GRIK1: variants seen among roughly 807,000 people sequenced by gnomAD.
The protein encoded by GRIK1 is glutamate ionotropic receptor kainate type subunit 1, also known as glutamate receptor ionotropic, kainate 1.
GRIK1 carries 69 observed loss-of-function variants against 105.7 expected under a neutral mutation model. That is an observed-to-expected ratio of 0.65 (90% CI 0.54 to 0.80). GRIK1 has a LOEUF of 0.80. Among genes scored for constraint, GRIK1 ranks in the 30% least tolerant of loss-of-function variants. The pLI is 0.00. For missense variants in GRIK1, 1,109 were observed against 1,167.3 expected, an observed-to-expected ratio of 0.95 and a Z score of 0.73; for synonymous variants, 438 against 431.3, an observed-to-expected ratio of 1.02 and a Z score of -0.19.
At chr21:29,718,605 T>C (rs2064237973) in intron 1 of GRIK1, among the ~76,000 whole-genome samples, 1 of 152,244 alleles carries the variant, frequency 6.6e-6, no homozygotes, top group African/African-American at 2.4e-5. Context: ...GTCATAGGCC[T>C]TGCATATTGC....
At chr21:29,800,507 G>T (rs2066676332) in intron 1 of GRIK1, among the ~76,000 whole-genome samples, 1 of 152,174 alleles carries the variant, frequency 6.6e-6, no homozygotes, top group Non-Finnish European at 1.5e-5. Flanking sequence ...CCCAGGTCTT[G>T]CAACTTTAAA....
At chr21:29,668,843 C>T (rs893434071) in intron 4 of GRIK1, among the ~76,000 whole-genome samples, 7 of 152,026 alleles carry the variant, frequency 4.6e-5, no homozygotes, top group South Asian at 2.1e-4. Flanking sequence ...GAAGAGTCGG[C>T]GAAAGAGTAG....
chr21:29,744,755 T>C (rs2065009565), intron 1 of GRIK1, among the ~76,000 whole-genome samples: 1 of 152,178 alleles, frequency 6.6e-6, no homozygotes, highest in African/African-American at 2.4e-5. Flanking sequence ...GCATAGGACA[T>C]TTTGTGGTGT....
intron 1 of GRIK1, among the ~76,000 whole-genome samples, chr21:29,746,330 G>A (rs1322726449): frequency 6.6e-6 from 1 of 152,166 alleles, no homozygotes; most frequent in African/African-American, 2.4e-5. Flanking sequence ...TTCTGCCTAT[G>A]TGCCAAGCCC....
At chr21:29,745,899 C>A (rs952875279) in intron 1 of GRIK1, among the ~76,000 whole-genome samples, 1 of 152,024 alleles carries the variant, frequency 6.6e-6, no homozygotes, top group Non-Finnish European at 1.5e-5. Flanking sequence ...GTCAGGAGAT[C>A]GAGACCATCC....
intron 14 of GRIK1, among the ~76,000 whole-genome samples, chr21:29,568,339 G>C (rs2090659234): frequency 6.6e-6 from 1 of 152,178 alleles, no homozygotes; most frequent in Non-Finnish European, 1.5e-5. Context: ...GGTTATAACT[G>C]TCTGAAATCT....
At chr21:29,858,893 G>A (rs1207395746) in intron 1 of GRIK1, among the ~76,000 whole-genome samples, 2 of 151,294 alleles carry the variant, frequency 1.3e-5, no homozygotes, top group Admixed American at 6.6e-5. Context: ...AAGGATCCTA[G>A]CCACAGCTTT....
chr21:29,580,763 A>C (rs868537682), intron 13 of GRIK1, among the ~76,000 whole-genome samples: 23 of 152,184 alleles, frequency 1.5e-4, no homozygotes, highest in African/African-American at 5.3e-4. Flanking sequence ...GCTGAAAAAA[A>C]AAATCACAAA....
At chr21:29,616,633 C>G (rs1262003284) in intron 7 of GRIK1, among the ~76,000 whole-genome samples, 1 of 152,210 alleles carries the variant, frequency 6.6e-6, no homozygotes, top group East Asian at 1.9e-4. Flanking sequence ...CACTCAGCCT[C>G]TCAAGAACTT....
At chr21:29,879,427 T>C (rs2069313777) in intron 1 of GRIK1, among the ~76,000 whole-genome samples, 2 of 152,136 alleles carry the variant, frequency 1.3e-5, no homozygotes, top group Admixed American at 6.6e-5. Flanking sequence ...TTACACTGGC[T>C]ACCAAATTGT....
rs746645977 is a variant in GRIK1, at chr21:29,742,924, G to A, written c.119-48861C>T. On this transcript the variant is annotated intron_variant, in intron 1 of 17. Transcript: ENST00000327783. ...CAAACAGGCTTGAGTCTGTTTCTGC[G>A]TATTCTATGCTGTTTCTCTGGTATG... Among the ~76,000 whole-genome samples, 13 of 152,164 alleles carry A rather than the reference G, an allele frequency of 8.5e-5. No individual in the cohort carries two copies. The South Asian group carries it at 1.7e-3, about 19-fold the overall frequency.
Position 29,874,237 on chromosome 21 carries a change from C to T in GRIK1, c.118+65146G>A, listed in dbSNP as rs143739545. Among the ~76,000 whole-genome samples, 180 of 152,178 alleles carry T rather than the reference C, an allele frequency of 1.2e-3. 2 individuals carry two copies. Among genetic ancestry groups the T allele is most frequent in the African/African-American group, 4.2e-3 (174 of 41,512 alleles). On this transcript the variant is annotated intron_variant, in intron 1 of 17. Transcript: ENST00000327783. The stretch of plus-strand genomic sequence containing the variant: ...AAACGGGAAAGCCATTGGAAGTGGC[C>T]ATGTTAAATGTTACCCGAGCCCTGT...
intron 1 of GRIK1, among the ~76,000 whole-genome samples, chr21:29,893,123 C>A (rs917251078): frequency 6.6e-6 from 1 of 152,136 alleles, no homozygotes; most frequent in Non-Finnish European, 1.5e-5. Flanking sequence ...ATTATCTTGT[C>A]TAACTGTTTT....
At chr21:29,569,543 T>C (rs1027526291) in intron 14 of GRIK1, among the ~76,000 whole-genome samples, 1 of 152,204 alleles carries the variant, frequency 6.6e-6, no homozygotes, top group African/African-American at 2.4e-5. Context: ...GCATAAGATG[T>C]TGGTCATATT....
chr21:29,874,665 T>C (rs2069130669), intron 1 of GRIK1, among the ~76,000 whole-genome samples: 3 of 151,940 alleles, frequency 2.0e-5, no homozygotes. Flanking sequence ...ATGATTTGGG[T>C]GGGAGAGAAT....
At chr21:29,679,486 C>A (rs971322562) in intron 3 of GRIK1, among the ~76,000 whole-genome samples, 1 of 152,158 alleles carries the variant, frequency 6.6e-6, no homozygotes, top group African/African-American at 2.4e-5. Flanking sequence ...GTGTCTCCAG[C>A]CCAGATCCAT....
At chr21:29,762,948 C>G (rs1416166224) in intron 1 of GRIK1, among the ~76,000 whole-genome samples, 4 of 152,220 alleles carry the variant, frequency 2.6e-5, no homozygotes, top group African/African-American at 9.7e-5. Flanking sequence ...CGATGTAAAG[C>G]CAGATTCTTC....
At chr21:29,654,954 T>C (rs1216236965) in intron 4 of GRIK1, 91 bp from the exon 5 acceptor site, 8 of 843,888 alleles carry the variant, frequency 9.5e-6, no homozygotes, top group African/African-American at 1.7e-5. Context: ...CTTGGAAACA[T>C]AGAACAGGAA....
At chr21:29,742,426 C>T (rs1037729996) in intron 1 of GRIK1, among the ~76,000 whole-genome samples, 23 of 152,128 alleles carry the variant, frequency 1.5e-4, no homozygotes, top group Non-Finnish European at 2.8e-4. Context: ...TTTCCTGGAC[C>T]CAGAACAACA....
Sources: allele counts gnomAD v4.1 joint callset (sites outside exome capture counted in the v4.1 genomes callset), GRCh38; gene constraint gnomAD v4.1.1; transcripts MANE v1.5; gene names NCBI Gene and HGNC (gene_info 2026-07-23, HGNC 2026-07-21).